The following JAM2 variants were observed in gnomAD, a reference collection of about 807,000 sequenced individuals.
JAM2 encodes junctional adhesion molecule B.
In JAM2, 17 loss-of-function variants were observed where a neutral mutation model predicts 42.0. That is an observed-to-expected ratio of 0.40 (90% CI 0.28 to 0.61). The LOEUF (loss-of-function observed/expected upper bound fraction) is 0.61, where lower values mean the gene tolerates loss of function less well. Ranked by LOEUF, JAM2 falls within the 20% of genes least tolerant of loss-of-function variation. JAM2 has a pLI of 0.37. For synonymous variants in JAM2, 118 were observed against 128.6 expected (o/e 0.92, Z 0.56); for missense variants, 319 against 358.3 (o/e 0.89, Z 0.89).
intron 9 of JAM2, among the ~76,000 whole-genome samples, chr21:25,713,482 A>G (rs925354230): frequency 2.0e-5 from 3 of 151,412 alleles, no homozygotes; most frequent in Non-Finnish European, 2.9e-5. Context: ...TTTCTTGAGA[A>G]ACAAAGCATG....
rs2123369911 is a variant in JAM2 at position 25,684,298 on chromosome 21, T to A, written c.133+350T>A. Among the ~76,000 whole-genome samples, 5 of 152,332 alleles carry A rather than the reference T, an allele frequency of 3.3e-5. 1 individual carries two copies. In the South Asian group the frequency reaches 1.0e-3, roughly 32 times the overall value. On this transcript the variant is annotated intron_variant, in intron 2 of 9. Coordinates refer to ENST00000480456, the MANE Select transcript of JAM2 (RefSeq NM_021219.4). ...TGAACACTTCAAACTCCACTCTGTGTATTTAAGGTGATGTTAATATAGCTT... is the reference window on the plus strand; with the variant it reads ...TGAACACTTCAAACTCCACTCTGTGAATTTAAGGTGATGTTAATATAGCTT...
intron 1 of JAM2, among the ~76,000 whole-genome samples, chr21:25,664,095 TTA>T (rs1305154781): frequency 6.6e-6 from 1 of 152,258 alleles, no homozygotes; most frequent in East Asian, 1.9e-4. Flanking sequence ...CATATATTTA[TTA>T]TGTCAATTTT....
chr21:25,647,032 T>C (rs866399806), intron 1 of JAM2, among the ~76,000 whole-genome samples: 4 of 152,260 alleles, frequency 2.6e-5, no homozygotes, highest in Non-Finnish European at 5.9e-5. Flanking sequence ...GTCTTCTTTA[T>C]GCTAGGTTTG....
rs2033693343 is a variant in JAM2 at position 25,683,921 on chromosome 21, C to A, written c.106C>A (p.Gln36Lys). ...TGGGTTTTCTGCCCCAAAAGACCAA[C>A]AAGTAGTCACAGCAGTAGAGTACCA... ...AYGFSAPKDQ[Q>K]VVTAVEYQEA... Residue 36 changes from glutamine to lysine, a missense_variant, in exon 2 of 10, where the codon CAA becomes AAA. Gln to Lys is a moderately conservative substitution (Grantham distance 53, BLOSUM62 1). Coordinates refer to ENST00000480456, the MANE Select transcript of JAM2 (RefSeq NM_021219.4). 13 of 1,608,710 alleles carry A rather than the reference C, an allele frequency of 8.1e-6. No individual in the cohort carries two copies. The highest frequency in any genetic ancestry group is 9.4e-6 in the Non-Finnish European group (11 of 1,175,508).
chr21:25,684,755 C>G (rs1568906323), intron 2 of JAM2, among the ~76,000 whole-genome samples: 1 of 152,080 alleles, frequency 6.6e-6, no homozygotes, highest in Non-Finnish European at 1.5e-5. Flanking sequence ...GCCACCATGT[C>G]TGGCTAATTT....
chr21:25,683,229 AT>A (rs1032160596), intron 1 of JAM2, among the ~76,000 whole-genome samples: 1 of 152,182 alleles, frequency 6.6e-6, no homozygotes, highest in Non-Finnish European at 1.5e-5. Context: ...GGGAGTGATA[AT>A]AAGCAACAGC....
intron 1 of JAM2, among the ~76,000 whole-genome samples, chr21:25,675,420 C>T (rs576733438): frequency 6.6e-6 from 1 of 151,866 alleles, no homozygotes; most frequent in Non-Finnish European, 1.5e-5. Context: ...CAGTTGAGCC[C>T]GGGAAGCAGA....
At chr21:25,703,507 A>T (rs1474818586) in intron 6 of JAM2, among the ~76,000 whole-genome samples, 3 of 152,238 alleles carry the variant, frequency 2.0e-5, no homozygotes, top group African/African-American at 7.2e-5. Context: ...CTTTTGAAAT[A>T]CATACAAATT....
intron 1 of JAM2, among the ~76,000 whole-genome samples, chr21:25,661,426 G>A (rs2409145): frequency 0.39 from 59,399 of 151,888 alleles, 13,348 homozygotes; most frequent in East Asian, 0.64. Context: ...TCATGCCACC[G>A]CACACCAGCC....
chr21:25,660,653 C>T (rs964860904), intron 1 of JAM2, among the ~76,000 whole-genome samples: 1 of 150,350 alleles, frequency 6.7e-6, no homozygotes, highest in Non-Finnish European at 1.5e-5. Context: ...ATTATCTGAG[C>T]TTATACTGTA....
intron 2 of JAM2, among the ~76,000 whole-genome samples, chr21:25,687,057 A>G (rs371463309): frequency 1.3e-5 from 2 of 152,188 alleles, no homozygotes; most frequent in African/African-American, 4.8e-5. Flanking sequence ...ATTTTTTGCT[A>G]TCTCCTACAG....
rs768162339 is a variant in JAM2, at chr21:25,639,839, C to T, written c.18C>T (p.Arg6=). MARRS[R]HRLLLLLLRY... Reference sequence around the variant, plus strand: ...CCGGGAAGATGGCGAGGAGGAGCCGCCACCGCCTCCTCCTGCTGCTGCTGC... The same window carrying T: ...CCGGGAAGATGGCGAGGAGGAGCCGTCACCGCCTCCTCCTGCTGCTGCTGC... The change falls in exon 1 of 10, where the codon CGC becomes CGT. Residue 6 remains arginine (R), a synonymous_variant. Transcript: ENST00000480456. 2 of 1,589,072 alleles carry T rather than the reference C, an allele frequency of 1.3e-6. No individual in the cohort carries two copies. The highest frequency in any genetic ancestry group is 2.3e-5 in the East Asian group (1 of 43,866).
chr21:25,695,341 T>C (rs1253941824), intron 4 of JAM2, among the ~76,000 whole-genome samples: 3 of 152,276 alleles, frequency 2.0e-5, no homozygotes, highest in Non-Finnish European at 4.4e-5. Flanking sequence ...AGAATTTTTC[T>C]TAGTACAGAA....
At chr21:25,659,236 T>A (rs2033016875) in intron 1 of JAM2, among the ~76,000 whole-genome samples, 1 of 142,062 alleles carries the variant, frequency 7.0e-6, no homozygotes, top group Non-Finnish European at 1.5e-5. Flanking sequence ...ATAGAAAACA[T>A]CCTCATAATT....
intron 1 of JAM2, among the ~76,000 whole-genome samples, chr21:25,672,363 A>G (rs1299622372): frequency 2.0e-5 from 3 of 152,230 alleles, no homozygotes; most frequent in Admixed American, 1.3e-4. Flanking sequence ...GCAGAGATGC[A>G]CAGATTCTCA....
intron 4 of JAM2, 141 bp downstream of exon 4, chr21:25,694,049 C>T (rs1470698063): frequency 1.3e-6 from 1 of 758,746 alleles, no homozygotes; most frequent in Non-Finnish European, 2.1e-6. Context: ...CCATAAGCAT[C>T]ACCTTCCTGG....
chr21:25,710,155 C>T (rs973482201), intron 8 of JAM2: 6 of 152,100 alleles, frequency 3.9e-5, no homozygotes, highest in Non-Finnish European at 8.8e-5. Context: ...ATTTCATAGG[C>T]ATTTGTATAA....
At chr21:25,701,322 G>C (rs950638898) in intron 5 of JAM2, among the ~76,000 whole-genome samples, 1 of 152,018 alleles carries the variant, frequency 6.6e-6, no homozygotes, top group African/African-American at 2.4e-5. Flanking sequence ...CTAAGACAAT[G>C]ACCCTTCAAG....
At chr21:25,686,121 T>C (rs1228182647) in intron 2 of JAM2, among the ~76,000 whole-genome samples, 1 of 152,226 alleles carries the variant, frequency 6.6e-6, no homozygotes, top group Non-Finnish European at 1.5e-5. Flanking sequence ...CAAAATGTTT[T>C]CATCACTCCA....
Sources: allele counts gnomAD v4.1 joint callset (sites outside exome capture counted in the v4.1 genomes callset), GRCh38; gene constraint gnomAD v4.1.1; transcripts MANE v1.5; gene names NCBI Gene and HGNC (gene_info 2026-07-23, HGNC 2026-07-21).